Variants in MALT1 observed in about 807,000 individuals in gnomAD.
MALT1 encodes the protein MALT1 paracaspase, also known as mucosa-associated lymphoid tissue lymphoma translocation protein 1.
In MALT1, 36 loss-of-function variants were observed where a neutral mutation model predicts 85.5. The observed-to-expected ratio is 0.42, with a 90% confidence interval of 0.32 to 0.56. The LOEUF (loss-of-function observed/expected upper bound fraction) is 0.56, where lower values mean the gene tolerates loss of function less well. Ranked by LOEUF, MALT1 falls within the 20% of genes least tolerant of loss-of-function variation. The probability of loss-of-function intolerance (pLI) is 0.10; values close to 1 mark genes in which losing one functional copy is unlikely to be tolerated. For missense variants in MALT1, 716 were observed against 981.6 expected (o/e 0.73, Z 3.62); for synonymous variants, 359 against 361.3 (o/e 0.99, Z 0.07).
chr18:58,700,097 T>C (rs1012200583), intron 3 of MALT1, among the ~76,000 whole-genome samples: 1 of 152,208 alleles, frequency 6.6e-6, no homozygotes, highest in Non-Finnish European at 1.5e-5. Flanking sequence ...TTGTATGTTG[T>C]ATGGCTGCTA....
intron 2 of MALT1, 30 bp from the exon 3 acceptor site, chr18:58,696,335 TA>T (rs768642131): frequency 1.4e-5 from 19 of 1,345,558 alleles, no homozygotes; most frequent in East Asian, 5.7e-5. Flanking sequence ...CTTGTGACTT[TA>T]ATTTTTTTTT....
intron 1 of MALT1, chr18:58,672,096 G>A (rs1009198493): frequency 1.1e-4 from 36 of 335,352 alleles, no homozygotes; most frequent in Middle Eastern, 1.6e-3. Flanking sequence ...CGGCTGCCTC[G>A]CTCCCTGTTC....
In MALT1 at chr18:58,708,904, A is replaced by C. The variant is rs2144386014; in HGVS notation, c.650-474A>C. ...ATGTCTAATATCTGCCTGGGGTAGA[A>C]ATGTTAGTGATAACTCACCAATATT... is the stretch of plus-strand genomic sequence containing the variant. On this transcript the variant is annotated intron_variant, in intron 4 of 16. Transcript: ENST00000649217. 1.3e-5 allele frequency among the ~76,000 whole-genome samples: 2 copies of C among 152,322 alleles called. 1 individual carries two copies. Among genetic ancestry groups the C allele is most frequent in the South Asian group, 4.1e-4 (2 of 4,832 alleles).
intron 1 of MALT1, among the ~76,000 whole-genome samples, chr18:58,680,511 A>C (rs1023724333): frequency 6.6e-6 from 1 of 152,126 alleles, no homozygotes; most frequent in African/African-American, 2.4e-5. Flanking sequence ...ATTTGGGGTC[A>C]TTTTGTATTT....
At chr18:58,716,838 G>T (rs1239693674) in intron 9 of MALT1, among the ~76,000 whole-genome samples, 1 of 152,154 alleles carries the variant, frequency 6.6e-6, no homozygotes, top group Non-Finnish European at 1.5e-5. Flanking sequence ...GTAGATTAGA[G>T]TGATCCATCA....
chr18:58,747,767 A>AAGT lies in MALT1; in HGVS notation c.2402_2404dup (p.Ser801dup), dbSNP rs1244830612. The AAGT allele has an allele frequency of 1.2e-6, 2 of 1,614,122 alleles. No individual in the cohort carries two copies. The highest frequency in any genetic ancestry group is 1.6e-4 in the Middle Eastern group (1 of 6,062). ...ACCATGCTTCATGTCATTTTAGTAG[A>AAGT]AGTAATGTGCCAGTAGAGACAACTG... On this transcript the variant is annotated inframe_insertion, in exon 17 of 17. Transcript: ENST00000649217.
At chr18:58,713,317 T>C (rs563039020) in intron 7 of MALT1, among the ~76,000 whole-genome samples, 1 of 152,314 alleles carries the variant, frequency 6.6e-6, no homozygotes, top group South Asian at 2.1e-4. Flanking sequence ...CATGATAAGA[T>C]GTCCCATGGG....
chr18:58,723,088 C>T lies in MALT1; in HGVS notation c.1059C>T (p.Tyr353=), dbSNP rs1313664581. 9 of 1,613,502 alleles carry T rather than the reference C, an allele frequency of 5.6e-6. No individual in the cohort carries two copies. The highest frequency in any genetic ancestry group is 2.7e-5 in the African/African-American group (2 of 74,864). ...CCCTTTTGATAGGAAATATGAATTACCGGGAGCACCCCAAGCTCAAAGCTC... is the reference window on the plus strand; with the variant it reads ...CCCTTTTGATAGGAAATATGAATTATCGGGAGCACCCCAAGCTCAAAGCTC... The part of the protein sequence containing the change: ...KVALLIGNMN[Y]REHPKLKAPL... Residue 353 remains tyrosine, a synonymous_variant, in exon 10 of 17, where the codon TAC becomes TAT. Transcript: ENST00000649217.
chr18:58,687,313 T>C (rs1235186240), intron 2 of MALT1, among the ~76,000 whole-genome samples: 4 of 151,782 alleles, frequency 2.6e-5, no homozygotes, highest in Non-Finnish European at 5.9e-5. Context: ...GGATGTGGAG[T>C]GTGGAGGGGA....
rs772406014 is a variant in MALT1 at position 58,696,335 on chromosome 18, T to A, written c.377-31T>A. The stretch of plus-strand genomic sequence containing the variant: ...ACAAGGAAAATCCCTCTTGTGACTT[T>A]AATTTTTTTTTTTTTTTTTTTTTTT... On this transcript the variant is annotated intron_variant, in intron 2 of 16. Transcript: ENST00000649217. The A allele has an allele frequency of 5.9e-6, 8 of 1,345,562 alleles. No homozygotes were observed. In the African/African-American group the frequency reaches 1.1e-4, roughly 19 times the overall value. 83.4% of individuals were successfully genotyped at this position (1,345,562 alleles called of 1,614,324 possible). A position where few individuals can be genotyped will look rare whatever the true frequency, so the allele number is the denominator to read the frequency against.
At chr18:58,708,069 C>T (rs904842964) in intron 4 of MALT1, among the ~76,000 whole-genome samples, 1 of 152,196 alleles carries the variant, frequency 6.6e-6, no homozygotes, top group Non-Finnish European at 1.5e-5. Flanking sequence ...TGCCTAGCTG[C>T]CTTGCCCCCA....
intron 2 of MALT1, among the ~76,000 whole-genome samples, chr18:58,688,055 C>T (rs1453083313): frequency 6.6e-6 from 1 of 152,180 alleles, no homozygotes; most frequent in Non-Finnish European, 1.5e-5. Context: ...CTACGTAGCA[C>T]TATACCATAT....
chr18:58,744,717 C>T (rs188073974), intron 15 of MALT1, among the ~76,000 whole-genome samples: 2 of 152,084 alleles, frequency 1.3e-5, no homozygotes, highest in Admixed American at 1.3e-4. Context: ...AGGAAGGATG[C>T]CTCTAATTTC....
chr18:58,671,596 G>A lies in MALT1; in HGVS notation c.-48G>A. The stretch of plus-strand genomic sequence containing the variant: ...AAGGTGCCCCGGGGCCGAGGCCCGT[G>A]ACGGGGCGGGCGGGAGCCCCGGCAG... On this transcript the variant is annotated 5_prime_UTR_variant, in exon 1 of 17. Transcript: ENST00000649217. 1 of 1,173,306 alleles carries A rather than the reference G, an allele frequency of 8.5e-7. No individual in the cohort carries two copies. The highest frequency in any genetic ancestry group is 3.4e-5 in the East Asian group (1 of 29,716). The allele number at this position is 1,173,306 out of a possible 1,614,324, so 72.7% of individuals were successfully genotyped here. A position where few individuals can be genotyped will look rare whatever the true frequency, so the allele number is the denominator to read the frequency against.
At position 58,671,679 on chromosome 18, in the gene MALT1, G is replaced by T. The variant is rs1405670295; in HGVS notation, c.36G>T (p.Pro12=). ...TGGGGGACCCGCTACAGGCCCTGCCGCCCTCGGCCGCCCCCACGGGGCCGC... is the reference window on the plus strand; with the variant it reads ...TGGGGGACCCGCTACAGGCCCTGCCTCCCTCGGCCGCCCCCACGGGGCCGC... ...SLLGDPLQAL[P]PSAAPTGPLL... Residue 12 remains proline (P), a synonymous_variant, in exon 1 of 17, where the codon CCG becomes CCT. Transcript: ENST00000649217. 1 of 1,245,168 alleles carries T rather than the reference G, an allele frequency of 8.0e-7. No individual in the cohort carries two copies. Among genetic ancestry groups the T allele is most frequent in the Non-Finnish European group, 1.0e-6 (1 of 996,186 alleles). 77.1% of individuals were successfully genotyped at this position (1,245,168 alleles called of 1,614,324 possible).
At chr18:58,683,646 C>CT (rs559056335) in intron 2 of MALT1, among the ~76,000 whole-genome samples, 18 of 152,292 alleles carry the variant, frequency 1.2e-4, no homozygotes, top group Admixed American at 1.2e-3. Context: ...AGGCCAGCAA[C>CT]TAATAAAGTG....
At chr18:58,702,199 C>T (rs2054681761) in intron 4 of MALT1, among the ~76,000 whole-genome samples, 1 of 136,140 alleles carries the variant, frequency 7.3e-6, no homozygotes, top group Admixed American at 8.1e-5. Context: ...ATGGCAAAAC[C>T]CTATCTCTAC....
At position 58,689,613 on chromosome 18, in the gene MALT1, C is replaced by T. The variant is rs537619247; in HGVS notation, c.377-6753C>T. Among the ~76,000 whole-genome samples, 7 of 152,020 alleles carry T rather than the reference C, an allele frequency of 4.6e-5. No homozygotes were observed. In the East Asian group the frequency reaches 9.7e-4, roughly 21 times the overall value. ...GGAGCTTCTATTTTAATACCTAAGACGGACAGTAAGAAACAGGGATTTTAG... is the reference window on the plus strand; with the variant it reads ...GGAGCTTCTATTTTAATACCTAAGATGGACAGTAAGAAACAGGGATTTTAG... On this transcript the variant is annotated intron_variant, in intron 2 of 16. Coordinates refer to ENST00000649217, the MANE Select transcript of MALT1 (RefSeq NM_006785.4).
intron 7 of MALT1, among the ~76,000 whole-genome samples, chr18:58,712,603 G>T (rs941870149): frequency 2.0e-5 from 3 of 152,130 alleles, no homozygotes; most frequent in African/African-American, 7.2e-5. Flanking sequence ...GAAGGAATCA[G>T]TTCTAGTGTT....
Sources: gnomAD v4.1 joint callset for allele counts (sites outside exome capture counted in the v4.1 genomes callset) on GRCh38, gnomAD v4.1.1 for gene constraint, MANE v1.5 for transcripts, NCBI Gene and HGNC (gene_info 2026-07-23, HGNC 2026-07-21) for gene names.